LEMD3: variants seen among roughly 807,000 people sequenced by gnomAD.
LEMD3 encodes the protein inner nuclear membrane protein Man1.
A neutral mutation model predicts 95.2 loss-of-function variants in LEMD3; 33 were observed. The ratio of observed to expected loss-of-function variants is 0.35; its 90% CI spans 0.26 to 0.46. LEMD3 has a LOEUF of 0.46. LEMD3 is among the 20% of genes least tolerant of loss of function. The pLI is 1.00. For missense variants in LEMD3, 1,210 were observed against 1,192.8 expected (o/e 1.01, Z -0.21); for synonymous variants, 525 against 474.6 (o/e 1.11, Z -1.38).
At chr12:65,172,075 A>G (rs1481306101) in intron 1 of LEMD3, among the ~76,000 whole-genome samples, 2 of 152,310 alleles carry the variant, frequency 1.3e-5, no homozygotes, top group African/African-American at 4.8e-5. Flanking sequence ...AGCAGAGATT[A>G]AGGCCTTGAG....
At position 65,228,406 on chromosome 12, in the gene LEMD3, T is replaced by TTTA. The variant is rs1247600726; in HGVS notation, c.1695+9789_1695+9790insATT. Among the ~76,000 whole-genome samples, 16 of 148,222 alleles carry TTTA rather than the reference T, an allele frequency of 1.1e-4. No homozygotes were observed. The South Asian group carries it at 2.1e-3, about 20-fold the overall frequency. Reference sequence around the variant, plus strand: ...TTATTATTTATTTATTTATTTATTTTTTTTTTTGAGGTGGAGTCTTGCTCT... The same window carrying TTTA: ...TTATTATTTATTTATTTATTTATTTTTTATTTTTTTGAGGTGGAGTCTTGCTCT... On this transcript the variant is annotated intron_variant, in intron 4 of 12. Coordinates refer to ENST00000308330, the MANE Select transcript of LEMD3 (RefSeq NM_014319.5).
Position 65,245,861 on chromosome 12 carries a change from G to C in LEMD3, c.2494G>C (p.Gly832Arg), listed in dbSNP as rs758364295. ...TTTTCTTTCTTTTTTAATATCACAG[G>C]GTTGTGTATATGTTAAATGTCTGTC... is the stretch of plus-strand genomic sequence containing the variant. ...HIAVDKNSRE[G>R]CVYVKCLSPE... is the part of the protein sequence containing the mutation. Residue 832 changes from glycine to arginine, a missense_variant and splice_region_variant, in exon 12 of 13, where the codon GGT becomes CGT. By Grantham distance (125) the Gly-to-Arg change is moderately radical. Coordinates refer to ENST00000308330, the MANE Select transcript of LEMD3 (RefSeq NM_014319.5). The C allele has an allele frequency of 3.7e-6, 6 of 1,609,788 alleles. No individual in the cohort carries two copies. Among genetic ancestry groups the C allele is most frequent in the African/African-American group, 1.3e-5 (1 of 74,862 alleles).
intron 4 of LEMD3, among the ~76,000 whole-genome samples, chr12:65,229,972 C>G (rs1385390828): frequency 1.3e-5 from 2 of 151,912 alleles, no homozygotes; most frequent in Non-Finnish European, 2.9e-5. Flanking sequence ...TTATTTAATC[C>G]ATTTTGAGTT....
chr12:65,215,658 T>C (rs1333888877), intron 2 of LEMD3, among the ~76,000 whole-genome samples: 1 of 152,108 alleles, frequency 6.6e-6, no homozygotes, highest in Non-Finnish European at 1.5e-5. Flanking sequence ...TACATAAGAA[T>C]ACACTGTGCA....
chr12:65,212,639 C>T (rs1869977728), intron 2 of LEMD3, among the ~76,000 whole-genome samples: 1 of 151,746 alleles, frequency 6.6e-6, no homozygotes. Flanking sequence ...ATAGAGTCAC[C>T]CTATAGATTT....
rs746019192 is a variant in LEMD3 at position 65,240,002 on chromosome 12, G to A, written c.1995G>A (p.Gln665=). 6.2e-7 allele frequency: 1 copy of A among 1,610,594 alleles called. No homozygotes were observed. The highest frequency in any genetic ancestry group is 2.2e-5 in the East Asian group (1 of 44,776). Residue 665 remains glutamine, a synonymous_variant, in exon 7 of 13, where the codon CAG becomes CAA. Coordinates refer to ENST00000308330, the MANE Select transcript of LEMD3 (RefSeq NM_014319.5). ...CAAAAGAAGAGGAGGAAACAAGGCA[G>A]ATGTATGATATGGTGGTAAAGATTA... ...RWTKEEEETR[Q]MYDMVVKIID...
chr12:65,197,784 C>CT (rs960907979), intron 1 of LEMD3, among the ~76,000 whole-genome samples: 25 of 152,078 alleles, frequency 1.6e-4, no homozygotes, highest in Admixed American at 1.3e-3. Context: ...TGCCCTTTTC[C>CT]TTTTTTATCA....
In LEMD3 at chr12:65,170,823, T is replaced by C. The variant is rs1868521794; in HGVS notation, c.1227T>C (p.Ser409=). The change falls in exon 1 of 13, where the codon AGT becomes AGC. Residue 409 remains serine, a synonymous_variant. Coordinates refer to ENST00000308330, the MANE Select transcript of LEMD3 (RefSeq NM_014319.5). ...ACTCCCCCAGGATTTATTCTAACAG[T>C]CTCCCTCCCAGTGCGGCGGTGGCCG... ...SVDSPRIYSN[S]LPPSAAVAAS... 3 of 1,614,132 alleles carry C rather than the reference T, an allele frequency of 1.9e-6. No homozygotes were observed. Among genetic ancestry groups the C allele is most frequent in the East Asian group, 4.5e-5 (2 of 44,882 alleles).
At chr12:65,224,492 G>A (rs1226470111) in intron 4 of LEMD3, among the ~76,000 whole-genome samples, 1 of 152,046 alleles carries the variant, frequency 6.6e-6, no homozygotes, top group Non-Finnish European at 1.5e-5. Context: ...ATAGTACGAT[G>A]TACTGCTCCC....
At chr12:65,198,797 G>A (rs898201595) in intron 1 of LEMD3, among the ~76,000 whole-genome samples, 1 of 152,058 alleles carries the variant, frequency 6.6e-6, no homozygotes, top group Non-Finnish European at 1.5e-5. Flanking sequence ...TTTAAAATTT[G>A]TATTATTTTG....
chr12:65,176,881 C>T (rs1026953447), intron 1 of LEMD3, among the ~76,000 whole-genome samples: 3 of 152,198 alleles, frequency 2.0e-5, no homozygotes, highest in Admixed American at 1.3e-4. Flanking sequence ...TAAATGATCA[C>T]ATATCAGGTA....
intron 1 of LEMD3, among the ~76,000 whole-genome samples, chr12:65,186,911 C>T (rs890683341): frequency 3.3e-5 from 5 of 151,926 alleles, no homozygotes; most frequent in Non-Finnish European, 7.4e-5. Flanking sequence ...TCTGCTAAGA[C>T]CATATGCTAG....
rs1002421290 is a variant in LEMD3 at position 65,237,692 on chromosome 12, T to C, written c.1696-810T>C. ...ATTTGTTAATGTCACACAAATCTCA[T>C]TGGAAAGGTCTTCAAGTATTGTGAA... On this transcript the variant is annotated intron_variant, in intron 4 of 12. Transcript: ENST00000308330. Among the ~76,000 whole-genome samples the C allele has an allele frequency of 1.1e-4, 17 of 152,334 alleles. 1 individual carries two copies. The highest frequency in any genetic ancestry group is 3.4e-3 in the Middle Eastern group (1 of 294).
At chr12:65,204,424 T>TA (rs1275820677) in intron 1 of LEMD3, among the ~76,000 whole-genome samples, 1 of 152,148 alleles carries the variant, frequency 6.6e-6, no homozygotes, top group East Asian at 1.9e-4. Context: ...AGTGAGAACA[T>TA]AGAGTATTTG....
intron 1 of LEMD3, among the ~76,000 whole-genome samples, chr12:65,200,517 T>C (rs1010131230): frequency 6.6e-6 from 1 of 152,174 alleles, no homozygotes; most frequent in Non-Finnish European, 1.5e-5. Flanking sequence ...ATTCGTGATG[T>C]CAGTGTTCTG....
At chr12:65,175,332 T>C (rs1341715057) in intron 1 of LEMD3, among the ~76,000 whole-genome samples, 1 of 152,200 alleles carries the variant, frequency 6.6e-6, no homozygotes, top group Non-Finnish European at 1.5e-5. Context: ...ATAAAAATAC[T>C]AAAATCTCTA....
At chr12:65,203,021 A>T (rs930595172) in intron 1 of LEMD3, among the ~76,000 whole-genome samples, 1 of 151,756 alleles carries the variant, frequency 6.6e-6, no homozygotes, top group Non-Finnish European at 1.5e-5. Context: ...TTCTCTATAG[A>T]TTTCCTGTTT....
chr12:65,220,013 A>C (rs1870236043), intron 4 of LEMD3, among the ~76,000 whole-genome samples: 1 of 152,214 alleles, frequency 6.6e-6, no homozygotes, highest in African/African-American at 2.4e-5. Flanking sequence ...TGAACATGGC[A>C]ATGCAAGTAC....
intron 4 of LEMD3, among the ~76,000 whole-genome samples, chr12:65,221,532 T>C (rs921917773): frequency 1.3e-5 from 2 of 151,828 alleles, no homozygotes; most frequent in African/African-American, 4.8e-5. Context: ...AATAACAAGA[T>C]TTTTTTGGTG....
Sources: allele counts gnomAD v4.1 joint callset (sites outside exome capture counted in the v4.1 genomes callset), GRCh38; gene constraint gnomAD v4.1.1; transcripts MANE v1.5; gene names NCBI Gene and HGNC (gene_info 2026-07-23, HGNC 2026-07-21).